Variants in AKAP19 observed in about 807,000 individuals in gnomAD.
AKAP19 encodes the protein small A-kinase anchoring protein.
At chr2:190,142,533 A>G in the AKAP19 span, among the ~76,000 whole-genome samples, 2 of 152,274 alleles carry the variant, frequency 1.3e-5, no homozygotes, top group South Asian at 2.1e-4. Flanking sequence ...GACATCCACA[A>G]TTCCAAGGGG....
chr2:190,170,069 C>G, the AKAP19 span, among the ~76,000 whole-genome samples: 1 of 152,138 alleles, frequency 6.6e-6, no homozygotes, highest in African/African-American at 2.4e-5. Context: ...AAACTTATGT[C>G]CCAGTTCTGC....
chr2:190,197,663 T>C, the AKAP19 span, among the ~76,000 whole-genome samples: 1 of 152,186 alleles, frequency 6.6e-6, no homozygotes, highest in African/African-American at 2.4e-5. This position sits in a 1 kb window ranked among gnomAD's most constrained non-coding sequence, Gnocchi z 4.0. Flanking sequence ...GGATTTAACA[T>C]CTTGTGTTTT....
At chr2:189,890,748 C>T in the AKAP19 span, among the ~76,000 whole-genome samples, 3 of 151,888 alleles carry the variant, frequency 2.0e-5, no homozygotes, top group Admixed American at 1.3e-4. Flanking sequence ...CAACCCCTGC[C>T]TTTTTTGCTT....
the AKAP19 span, among the ~76,000 whole-genome samples, chr2:189,886,801 C>T: frequency 6.6e-6 from 1 of 152,062 alleles, no homozygotes; most frequent in African/African-American, 2.4e-5. Flanking sequence ...CCATAGCAAA[C>T]ATTCAGAACT....
chr2:190,083,106 C>T, the AKAP19 span, among the ~76,000 whole-genome samples: 2 of 152,020 alleles, frequency 1.3e-5, no homozygotes, highest in South Asian at 2.1e-4. Flanking sequence ...TGGCAGGGTG[C>T]GGTGGCACAC....
the AKAP19 span, among the ~76,000 whole-genome samples, chr2:190,013,295 A>G: frequency 3.3e-5 from 5 of 152,052 alleles, no homozygotes; most frequent in Non-Finnish European, 7.4e-5. Context: ...TTTACTTAGT[A>G]TTGGTCTGTT....
At chr2:189,887,820 C>T in the AKAP19 span, among the ~76,000 whole-genome samples, 5 of 148,698 alleles carry the variant, frequency 3.4e-5, no homozygotes, top group Non-Finnish European at 6.0e-5. Context: ...GTTTTTTTTT[C>T]TTGTAAATTT....
the AKAP19 span, among the ~76,000 whole-genome samples, chr2:190,126,146 C>G: frequency 1.3e-5 from 2 of 151,090 alleles, no homozygotes; most frequent in African/African-American, 4.9e-5. Flanking sequence ...AAAAAATTAG[C>G]CGGGCGTGGT....
chr2:190,143,056 G>C, the AKAP19 span, among the ~76,000 whole-genome samples: 1 of 151,966 alleles, frequency 6.6e-6, no homozygotes, highest in African/African-American at 2.4e-5. Context: ...GGGGGCGGGG[G>C]TGTGTGATTT....
the AKAP19 span, among the ~76,000 whole-genome samples, chr2:189,987,665 A>C: frequency 6.6e-6 from 1 of 152,338 alleles, no homozygotes; most frequent in African/African-American, 2.4e-5. Context: ...TGCCATAAGT[A>C]AGGGGATTTT....
chr2:190,037,164 G>A, the AKAP19 span, among the ~76,000 whole-genome samples: 1 of 152,158 alleles, frequency 6.6e-6, no homozygotes, highest in East Asian at 1.9e-4. Context: ...TATCCCCTGG[G>A]TAATCAGACT....
the AKAP19 span, among the ~76,000 whole-genome samples, chr2:190,024,480 A>G: frequency 9.2e-5 from 14 of 152,130 alleles, no homozygotes; most frequent in African/African-American, 3.1e-4. Flanking sequence ...ATATTTATAT[A>G]TACTCATTGC....
At chr2:190,104,753 G>A in the AKAP19 span, among the ~76,000 whole-genome samples, 3 of 151,988 alleles carry the variant, frequency 2.0e-5, no homozygotes, top group African/African-American at 4.8e-5. Flanking sequence ...CTGCACCACC[G>A]CACCCTGGCT....
At chr2:190,175,279 C>T in the AKAP19 span, among the ~76,000 whole-genome samples, 200 of 152,228 alleles carry the variant, frequency 1.3e-3, no homozygotes, top group Middle Eastern at 3.4e-3. Context: ...GGCTTGTTTA[C>T]GGACAGATGC....
chr2:190,080,765 T>C, the AKAP19 span, among the ~76,000 whole-genome samples: 1 of 152,218 alleles, frequency 6.6e-6, no homozygotes, highest in African/African-American at 2.4e-5. Context: ...TCAGATCAAC[T>C]ATTTATAGAT....
the AKAP19 span, among the ~76,000 whole-genome samples, chr2:189,987,114 A>G: frequency 3.3e-5 from 5 of 152,310 alleles, no homozygotes; most frequent in South Asian, 1.0e-3. Flanking sequence ...TGTATCTCCC[A>G]GAATTCCCAC....
the AKAP19 span, among the ~76,000 whole-genome samples, chr2:190,003,893 ACT>A: frequency 6.6e-6 from 1 of 152,024 alleles, no homozygotes; most frequent in African/African-American, 2.4e-5. Context: ...TTGTATTCCT[ACT>A]TATTATTTTT....
At chr2:189,885,500 T>A in the AKAP19 span, among the ~76,000 whole-genome samples, 2 of 152,196 alleles carry the variant, frequency 1.3e-5, no homozygotes, top group Non-Finnish European at 2.9e-5. Context: ...TGATTACAAC[T>A]ATATGAGGTA....
chr2:190,038,487 T>G, the AKAP19 span, among the ~76,000 whole-genome samples: 2 of 152,160 alleles, frequency 1.3e-5, no homozygotes, highest in African/African-American at 4.8e-5. Context: ...TCGTAGAGCT[T>G]TCTGACTCTC....
Sources: allele counts gnomAD v4.1 joint callset (sites outside exome capture counted in the v4.1 genomes callset), GRCh38; gene constraint gnomAD v4.1.1; non-coding constraint Gnocchi (gnomAD v3.1); transcripts MANE v1.5; gene names NCBI Gene and HGNC (gene_info 2026-07-23, HGNC 2026-07-21).